CHRM3: variants seen among roughly 807,000 people sequenced by gnomAD.
The protein encoded by CHRM3 is cholinergic receptor muscarinic 3, also known as muscarinic acetylcholine receptor M3.
A neutral mutation model predicts 41.8 loss-of-function variants in CHRM3; 11 were observed. That is an observed-to-expected ratio of 0.26 (90% CI 0.17 to 0.44). CHRM3 has a LOEUF of 0.44. Among genes scored for constraint, CHRM3 ranks in the 20% least tolerant of loss-of-function variants. CHRM3 has a pLI of 1.00. For synonymous variants in CHRM3, 297 were observed against 301.4 expected, an observed-to-expected ratio of 0.99 and a Z score of 0.15; for missense variants, 571 against 745.4, an observed-to-expected ratio of 0.77 and a Z score of 2.72.
intron 6 of CHRM3, among the ~76,000 whole-genome samples, chr1:239,883,422 C>A (rs1677808641): frequency 6.6e-6 from 1 of 152,186 alleles, no homozygotes; most frequent in Non-Finnish European, 1.5e-5. Context: ...TAGTGTAATG[C>A]ACTCTTCCAT....
chr1:239,400,306 C>A (rs535368904), intron 1 of CHRM3, among the ~76,000 whole-genome samples: 2 of 152,178 alleles, frequency 1.3e-5, no homozygotes, highest in Admixed American at 1.3e-4. Flanking sequence ...AGATTATTTT[C>A]TTTTTTGCTA....
At chr1:239,478,640 A>G (rs1046706270) in intron 1 of CHRM3, among the ~76,000 whole-genome samples, 3 of 152,194 alleles carry the variant, frequency 2.0e-5, no homozygotes, top group African/African-American at 7.2e-5. Flanking sequence ...AATTCAGTCC[A>G]TAAATTTAAT....
intron 1 of CHRM3, among the ~76,000 whole-genome samples, chr1:239,491,611 G>A (rs1667558562): frequency 6.6e-6 from 1 of 152,146 alleles, no homozygotes. Context: ...TGGATTCTAT[G>A]TCTTGGCTAT....
intron 5 of CHRM3, among the ~76,000 whole-genome samples, chr1:239,697,874 C>A (rs188023169): frequency 6.6e-6 from 1 of 152,196 alleles, no homozygotes; most frequent in Admixed American, 6.5e-5. Context: ...CCTTCCAGTT[C>A]TTTCTTCAAA....
Position 239,909,470 on chromosome 1 carries a change from C to A in CHRM3, c.*246C>A, listed in dbSNP as rs1680236592. ...ATAAAGAAATTTATTCTGAAATAGA[C>A]TTTACGTGTTTTTTTCTTAAAGAGG... On this transcript the variant is annotated 3_prime_UTR_variant, in exon 7 of 7. Transcript: ENST00000676153. 2.5e-6 allele frequency: 1 copy of A among 406,904 alleles called. No homozygotes were observed. Among genetic ancestry groups the A allele is most frequent in the Admixed American group, 4.1e-5 (1 of 24,424 alleles). The allele number at this position is 406,904 out of a possible 1,614,324, so 25.2% of individuals were successfully genotyped here.
chr1:239,852,935 C>G (rs779488478), intron 6 of CHRM3, among the ~76,000 whole-genome samples: 6 of 152,042 alleles, frequency 3.9e-5, no homozygotes, highest in Non-Finnish European at 7.4e-5. Context: ...CTCTAAATCT[C>G]TCTTATAAAA....
chr1:239,540,674 A>C (rs1658689778), intron 2 of CHRM3, among the ~76,000 whole-genome samples: 1 of 152,156 alleles, frequency 6.6e-6, no homozygotes, highest in Non-Finnish European at 1.5e-5. Flanking sequence ...CAGCATACTA[A>C]CTTCTAATTT....
intron 2 of CHRM3, among the ~76,000 whole-genome samples, chr1:239,526,412 C>A (rs1421226536): frequency 6.6e-5 from 10 of 152,090 alleles, no homozygotes. Context: ...TTAAGAGACA[C>A]AGCAATTCCA....
At chr1:239,636,331 A>G (rs1487267430) in intron 4 of CHRM3, among the ~76,000 whole-genome samples, 1 of 152,206 alleles carries the variant, frequency 6.6e-6, no homozygotes, top group East Asian at 1.9e-4. Context: ...ACTGTGAAAA[A>G]TATCCCGTGA....
At chr1:239,795,321 G>A (rs1285033164) in intron 5 of CHRM3, among the ~76,000 whole-genome samples, 2 of 152,140 alleles carry the variant, frequency 1.3e-5, no homozygotes, top group Admixed American at 1.3e-4. Context: ...GATCCTTAAA[G>A]TTTGTTTTTC....
chr1:239,643,033 C>T (rs556089238), intron 4 of CHRM3, among the ~76,000 whole-genome samples: 43 of 152,330 alleles, frequency 2.8e-4, no homozygotes, highest in Middle Eastern at 3.4e-3. Flanking sequence ...AGGTCCACTC[C>T]AGACCCTGTT....
intron 3 of CHRM3, among the ~76,000 whole-genome samples, chr1:239,563,390 T>A (rs1204243253): frequency 6.6e-6 from 1 of 152,152 alleles, no homozygotes; most frequent in East Asian, 1.9e-4. Flanking sequence ...TAGTGATTTA[T>A]CAGAATGTCC....
At chr1:239,738,475 G>T (rs190004809) in intron 5 of CHRM3, among the ~76,000 whole-genome samples, 1 of 152,168 alleles carries the variant, frequency 6.6e-6, no homozygotes, top group Non-Finnish European at 1.5e-5. Context: ...GCTCAGGGGG[G>T]GTTTGGGAGT....
At chr1:239,466,760 A>G (rs1665759194) in intron 1 of CHRM3, among the ~76,000 whole-genome samples, 1 of 152,124 alleles carries the variant, frequency 6.6e-6, no homozygotes, top group African/African-American at 2.4e-5. Flanking sequence ...CACCGTATCT[A>G]GCCGCATTTA....
intron 2 of CHRM3, among the ~76,000 whole-genome samples, chr1:239,502,729 A>G (rs188509217): frequency 8.5e-5 from 13 of 152,236 alleles, no homozygotes; most frequent in African/African-American, 3.1e-4. Context: ...CTAAAAGATA[A>G]TCCACCATGA....
intron 3 of CHRM3, among the ~76,000 whole-genome samples, chr1:239,548,574 C>T (rs1434063574): frequency 6.6e-6 from 1 of 152,038 alleles, no homozygotes; most frequent in Non-Finnish European, 1.5e-5. Context: ...TAGATTTTTC[C>T]CCTGATGAGG....
At chr1:239,822,990 A>C (rs766447675) in intron 5 of CHRM3, among the ~76,000 whole-genome samples, 10 of 152,180 alleles carry the variant, frequency 6.6e-5, no homozygotes, top group Non-Finnish European at 1.3e-4. Context: ...TCTTCAAAGA[A>C]AGAAAGAAAG....
rs184830098 is a variant in CHRM3 at position 239,750,015 on chromosome 1, G to A, written c.-147+71727G>A. ...TTTAAGGAATAATTATTCAAAGATT[G>A]AATGTTCATTAATTGGTAACATACT... On this transcript the variant is annotated intron_variant, in intron 5 of 6. Transcript: ENST00000676153. 3.9e-5 allele frequency among the ~76,000 whole-genome samples: 6 copies of A among 152,288 alleles called. No individual in the cohort carries two copies. In the East Asian group the frequency reaches 9.7e-4, roughly 24 times the overall value.
At chr1:239,459,421 T>C (rs1006817788) in intron 1 of CHRM3, among the ~76,000 whole-genome samples, 2 of 152,050 alleles carry the variant, frequency 1.3e-5, no homozygotes, top group African/African-American at 4.8e-5. Flanking sequence ...TCTAAAGGAG[T>C]CTTCAAAGGA....
Sources: allele counts gnomAD v4.1 joint callset (sites outside exome capture counted in the v4.1 genomes callset), GRCh38; gene constraint gnomAD v4.1.1; transcripts MANE v1.5; gene names NCBI Gene and HGNC (gene_info 2026-07-23, HGNC 2026-07-21).